COPG2: variants seen among roughly 807,000 people sequenced by gnomAD.
COPG2 encodes coatomer subunit gamma-2.
COPG2 carries 37 observed loss-of-function variants against 46.3 expected under a neutral mutation model. The observed-to-expected ratio is 0.80, with a 90% CI of 0.61 to 1.05. COPG2 has a LOEUF of 1.05. Among genes scored for constraint, COPG2 ranks in the 50% least tolerant of loss-of-function variants. The probability of loss-of-function intolerance (pLI) is 0.00; values close to 1 mark genes in which losing one functional copy is unlikely to be tolerated. For synonymous variants in COPG2, 159 were observed against 129.7 expected, an observed-to-expected ratio of 1.23 and a Z score of -1.53; for missense variants, 427 against 387.8, an observed-to-expected ratio of 1.10 and a Z score of -0.85.
chr7:130,577,634 G>A (rs1406916195), intron 9 of COPG2, among the ~76,000 whole-genome samples: 76 of 151,410 alleles, frequency 5.0e-4, no homozygotes, highest in Non-Finnish European at 7.4e-4. Context: ...GGTGGCGGGC[G>A]CCTGTAGTCC....
At chr7:130,549,499 T>C (rs1412536873) in intron 17 of COPG2, 123 bp from the exon 18 acceptor site, 7 of 396,488 alleles carry the variant, frequency 1.8e-5, no homozygotes, top group Non-Finnish European at 3.1e-5. Flanking sequence ...TACTAGATCA[T>C]ACTTATAGGT....
intron 3 of COPG2, among the ~76,000 whole-genome samples, chr7:130,665,894 T>G (rs991878602): frequency 2.0e-5 from 3 of 151,386 alleles, no homozygotes; most frequent in Non-Finnish European, 4.4e-5. Context: ...AAGCAGAATC[T>G]ACATTTCATG....
intron 9 of COPG2, among the ~76,000 whole-genome samples, chr7:130,574,933 T>C (rs1487437243): frequency 2.6e-5 from 4 of 151,870 alleles, no homozygotes; most frequent in Admixed American, 6.6e-5. Context: ...AGCAATAGAA[T>C]TGAACAAGTA....
intron 9 of COPG2, among the ~76,000 whole-genome samples, chr7:130,590,187 G>GCTCTCC (rs1247731684): frequency 2.0e-5 from 3 of 150,822 alleles, no homozygotes; most frequent in East Asian, 1.9e-4. Flanking sequence ...GTTCAGGAGA[G>GCTCTCC]CTCTCCCTCT....
chr7:130,574,554 G>A (rs1397427503), intron 9 of COPG2, among the ~76,000 whole-genome samples: 1 of 152,110 alleles, frequency 6.6e-6, no homozygotes, highest in Non-Finnish European at 1.5e-5. Flanking sequence ...ACAGACTTCC[G>A]CCTAGACCTT....
chr7:130,653,081 A>C (rs1220275104), intron 4 of COPG2, 133 bp from the exon 5 acceptor site: 2 of 597,692 alleles, frequency 3.3e-6, no homozygotes, highest in Non-Finnish European at 5.8e-6. Context: ...TACCAAAAAA[A>C]AAAATTAATA....
intron 14 of COPG2, among the ~76,000 whole-genome samples, chr7:130,553,236 A>T (rs1426541674): frequency 1.3e-5 from 2 of 152,162 alleles, no homozygotes; most frequent in African/African-American, 2.4e-5. Flanking sequence ...CAAGGGAGAG[A>T]CTGGCAATAA....
chr7:130,507,937 G>C (rs1451932605), intron 21 of COPG2, 114 bp from the exon 22 acceptor site: 3 of 677,802 alleles, frequency 4.4e-6, no homozygotes, highest in Non-Finnish European at 8.0e-6. Flanking sequence ...CACCAAAATA[G>C]TTTAAGTTCT....
At chr7:130,520,290 A>C (rs1799713736) in intron 20 of COPG2, among the ~76,000 whole-genome samples, 1 of 152,216 alleles carries the variant, frequency 6.6e-6, no homozygotes, top group Admixed American at 6.5e-5. Context: ...GGATTGGCTG[A>C]AAGTTAAGCA....
chr7:130,573,370 TA>T (rs1274537081), intron 9 of COPG2, among the ~76,000 whole-genome samples: 2 of 152,006 alleles, frequency 1.3e-5, no homozygotes, highest in African/African-American at 4.8e-5. Flanking sequence ...ACTATTCAGA[TA>T]AAAAAGCATG....
At chr7:130,630,823 T>C (rs1795214752) in intron 5 of COPG2, among the ~76,000 whole-genome samples, 1 of 152,214 alleles carries the variant, frequency 6.6e-6, no homozygotes, top group Non-Finnish European at 1.5e-5. Flanking sequence ...AATCTATTTG[T>C]TTCTTTATAT....
At chr7:130,545,734 A>G (rs1284466996) in intron 20 of COPG2, among the ~76,000 whole-genome samples, 1 of 152,196 alleles carries the variant, frequency 6.6e-6, no homozygotes, top group Non-Finnish European at 1.5e-5. Flanking sequence ...CCATCAAGCA[A>G]AAGAGTCCAT....
At chr7:130,645,056 T>G in intron 5 of COPG2, among the ~76,000 whole-genome samples, 1 of 133,638 alleles carries the variant, frequency 7.5e-6, no homozygotes, top group African/African-American at 3.1e-5. Flanking sequence ...GAGCGAGACT[T>G]CATCCCAAAA....
chr7:130,652,238 C>T (rs1554459235), intron 5 of COPG2, among the ~76,000 whole-genome samples: 1 of 152,142 alleles, frequency 6.6e-6, no homozygotes, highest in Admixed American at 6.5e-5. Flanking sequence ...CAGATGTGGC[C>T]TTACTAGGTC....
intron 20 of COPG2, among the ~76,000 whole-genome samples, chr7:130,531,225 C>T (rs996782019): frequency 3.5e-4 from 52 of 150,098 alleles, no homozygotes; most frequent in African/African-American, 1.2e-3. Flanking sequence ...TGAGCCAAGC[C>T]CCCAGCATTG....
chr7:130,642,937 C>T (rs530463205), intron 5 of COPG2, among the ~76,000 whole-genome samples: 50 of 152,060 alleles, frequency 3.3e-4, no homozygotes, highest in African/African-American at 1.2e-3. Flanking sequence ...GCCTGGGAGG[C>T]GGAGGCTGCA....
intron 7 of COPG2, among the ~76,000 whole-genome samples, chr7:130,613,284 C>T (rs879971869): frequency 2.0e-5 from 3 of 152,158 alleles, no homozygotes; most frequent in African/African-American, 4.8e-5. Flanking sequence ...TGGCAGGAGG[C>T]GGAGCTCAGG....
chr7:130,595,061 T>C (rs1192740089), intron 9 of COPG2, among the ~76,000 whole-genome samples: 1 of 152,194 alleles, frequency 6.6e-6, no homozygotes, highest in African/African-American at 2.4e-5. Context: ...AAATTACACA[T>C]GACCATTTAT....
At chr7:130,584,848 T>C (rs1329394382) in intron 9 of COPG2, among the ~76,000 whole-genome samples, 7 of 152,008 alleles carry the variant, frequency 4.6e-5, no homozygotes, top group African/African-American at 7.2e-5. Context: ...TGCTCATGGA[T>C]GGGTAGAATC....
Sources: gnomAD v4.1 joint callset for allele counts (sites outside exome capture counted in the v4.1 genomes callset) on GRCh38, gnomAD v4.1.1 for gene constraint, MANE v1.5 for transcripts, NCBI Gene and HGNC (gene_info 2026-07-23, HGNC 2026-07-21) for gene names.